The following SCYL2 variants were observed in gnomAD, a reference collection of about 807,000 sequenced individuals.
SCYL2 encodes the protein SCY1 like pseudokinase 2.
Under a neutral mutation model 100.4 loss-of-function variants are expected in SCYL2, and 36 were observed. That is an observed-to-expected ratio of 0.36 (90% CI 0.27 to 0.47). The LOEUF (loss-of-function observed/expected upper bound fraction) is 0.47. SCYL2 is among the 20% of genes least tolerant of loss of function. SCYL2 has a pLI of 1.00. For synonymous variants in SCYL2, 330 were observed against 359.2 expected, an observed-to-expected ratio of 0.92 and a Z score of 0.92; for missense variants, 902 against 1,083.9, an observed-to-expected ratio of 0.83 and a Z score of 2.36.
intron 16 of SCYL2, among the ~76,000 whole-genome samples, chr12:100,336,427 A>G (rs1462106610): frequency 6.6e-6 from 1 of 152,038 alleles, no homozygotes; most frequent in Admixed American, 6.6e-5. Context: ...TCAGATTTTC[A>G]CTTTGACACT....
chr12:100,273,167 A>G (rs1252053366), intron 1 of SCYL2, among the ~76,000 whole-genome samples: 1 of 151,844 alleles, frequency 6.6e-6, no homozygotes, highest in Non-Finnish European at 1.5e-5. Context: ...CTTACTACTC[A>G]ATGTCCTTGG....
chr12:100,299,265 T>A (rs752151249), intron 4 of SCYL2, among the ~76,000 whole-genome samples: 1 of 151,998 alleles, frequency 6.6e-6, no homozygotes, highest in Admixed American at 6.6e-5. Flanking sequence ...AAAAATAATA[T>A]CTTCAGTGCC....
chr12:100,322,024 G>A (rs2096356293), intron 10 of SCYL2, among the ~76,000 whole-genome samples: 1 of 148,474 alleles, frequency 6.7e-6, no homozygotes, highest in Non-Finnish European at 1.5e-5. Context: ...CTCCACCCTG[G>A]GTGACAGAGC....
rs565827653 is a variant in SCYL2 at position 100,340,748 on chromosome 12, C to G, written c.*1576C>G. Reference sequence around the variant, plus strand: ...TTCTGTATGGGCTGTACTTGGTTAACTTGATTTTAGAAAAAGGACTAACAG... The same window carrying G: ...TTCTGTATGGGCTGTACTTGGTTAAGTTGATTTTAGAAAAAGGACTAACAG... On this transcript the variant is annotated 3_prime_UTR_variant, in exon 18 of 18. Transcript: ENST00000360820. 3 of 152,094 alleles carry G rather than the reference C, an allele frequency of 2.0e-5. No individual in the cohort carries two copies. The South Asian group carries it at 6.2e-4, about 32-fold the overall frequency. The allele number at this position is 152,094 out of a possible 1,614,324, so 9.4% of individuals were successfully genotyped here.
chr12:100,281,519 T>C (rs1287836304), intron 1 of SCYL2, among the ~76,000 whole-genome samples: 2 of 152,050 alleles, frequency 1.3e-5, no homozygotes, highest in Admixed American at 6.6e-5. Context: ...AGCAGTACCC[T>C]GTCTCTACAG....
At chr12:100,293,373 A>G (rs2135855117) in intron 3 of SCYL2, among the ~76,000 whole-genome samples, 1 of 152,284 alleles carries the variant, frequency 6.6e-6, no homozygotes, top group African/African-American at 2.4e-5. Flanking sequence ...TGTATCCCAA[A>G]GTAGACTGGT....
chr12:100,274,564 G>GT (rs2096290764), intron 1 of SCYL2, among the ~76,000 whole-genome samples: 1 of 152,116 alleles, frequency 6.6e-6, no homozygotes, highest in South Asian at 2.1e-4. Flanking sequence ...AAACTTCCTT[G>GT]TGCTTTACTC....
Position 100,339,454 on chromosome 12 carries a change from G to A in SCYL2, c.*282G>A, listed in dbSNP as rs1447082194. The A allele has an allele frequency of 8.2e-6, 3 of 367,370 alleles. No individual in the cohort carries two copies. Among genetic ancestry groups the A allele is most frequent in the East Asian group, 1.0e-4 (2 of 19,118 alleles). The allele number at this position is 367,370 out of a possible 1,614,324, so 22.8% of individuals were successfully genotyped here. Reference sequence around the variant, plus strand: ...GAGAAAAAGGAAACTGAGTTATCTTGAATAACATAACTTTTTAATCAAATG... The same window carrying A: ...GAGAAAAAGGAAACTGAGTTATCTTAAATAACATAACTTTTTAATCAAATG... On this transcript the variant is annotated 3_prime_UTR_variant, in exon 18 of 18. Coordinates refer to ENST00000360820, the MANE Select transcript of SCYL2 (RefSeq NM_017988.6).
chr12:100,289,377 T>A (rs1211290363), intron 2 of SCYL2, among the ~76,000 whole-genome samples: 2 of 152,186 alleles, frequency 1.3e-5, no homozygotes, highest in African/African-American at 4.8e-5. Flanking sequence ...GAAACTTGAC[T>A]TTTTTTATCT....
chr12:100,330,557 A>G (rs1952196486), intron 13 of SCYL2, among the ~76,000 whole-genome samples: 3 of 152,184 alleles, frequency 2.0e-5, no homozygotes, highest in South Asian at 4.1e-4. Context: ...CAGAACTAGT[A>G]TTTAATGAAA....
Position 100,267,220 on chromosome 12 carries a change from CTCCCCACCCCTT to C in SCYL2, c.-597_-586del. On this transcript the variant is annotated 5_prime_UTR_variant, in exon 1 of 18. Coordinates refer to ENST00000360820, the MANE Select transcript of SCYL2 (RefSeq NM_017988.6). ...TTACTCTTCGTCCCCGGTCCCTCCC[CTCCCCACCCCTT>C]TCCTTCTAGCTCCGACGTTTGCGGC... 1.2e-6 allele frequency: 1 copy of C among 839,434 alleles called. No homozygotes were observed. The highest frequency in any genetic ancestry group is 1.8e-6 in the Non-Finnish European group (1 of 556,612). 52.0% of individuals were successfully genotyped at this position (839,434 alleles called of 1,614,324 possible). A position where few individuals can be genotyped will look rare whatever the true frequency, so the allele number is the denominator to read the frequency against.
chr12:100,300,962 T>C (rs2096326854), intron 4 of SCYL2, among the ~76,000 whole-genome samples: 1 of 152,174 alleles, frequency 6.6e-6, no homozygotes, highest in Admixed American at 6.5e-5. Context: ...AACATGGGAG[T>C]GCAGATATCT....
At chr12:100,315,947 A>G (rs1030846776) in intron 9 of SCYL2, among the ~76,000 whole-genome samples, 1 of 152,242 alleles carries the variant, frequency 6.6e-6, no homozygotes, top group Non-Finnish European at 1.5e-5. Context: ...GTAGCTCTCC[A>G]TAAGTTACTA....
At chr12:100,270,425 T>C (rs2096286379) in intron 1 of SCYL2, among the ~76,000 whole-genome samples, 1 of 152,118 alleles carries the variant, frequency 6.6e-6, no homozygotes, top group East Asian at 1.9e-4. Flanking sequence ...GTCACCCCTC[T>C]GCTACTGCTT....
intron 4 of SCYL2, 32 bp downstream of exon 4, chr12:100,298,207 G>C (rs1448343478): frequency 1.4e-6 from 2 of 1,445,704 alleles, no homozygotes; most frequent in East Asian, 2.5e-5. Flanking sequence ...GTAAAAAAGA[G>C]TTGTTTCCTT....
intron 7 of SCYL2, 77 bp downstream of exon 7, chr12:100,313,615 A>G (rs2096344897): frequency 1.3e-6 from 1 of 774,130 alleles, no homozygotes; most frequent in African/African-American, 1.8e-5. Flanking sequence ...TGGGTTTTAA[A>G]AAAATATTTT....
At chr12:100,333,623 T>A (rs1471801019) in intron 13 of SCYL2, 2 of 152,476 alleles carry the variant, frequency 1.3e-5, no homozygotes, top group Non-Finnish European at 2.9e-5. Context: ...GCTTAAACTA[T>A]GTTAAGACAT....
rs11354103 is a variant in SCYL2, at chr12:100,271,260, C to CAAA, written c.-29+3488_-29+3490dup. Among the ~76,000 whole-genome samples, 674 of 83,174 alleles carry CAAA rather than the reference C, an allele frequency of 8.1e-3. 15 individuals carry two copies. The highest frequency in any genetic ancestry group is 0.03 in the African/African-American group (580 of 19,022). 54.6% of individuals were successfully genotyped at this position (83,174 alleles called of 152,430 possible). A position where few individuals can be genotyped will look rare whatever the true frequency, so the allele number is the denominator to read the frequency against. On this transcript the variant is annotated intron_variant, in intron 1 of 17. Coordinates refer to ENST00000360820, the MANE Select transcript of SCYL2 (RefSeq NM_017988.6). The stretch of plus-strand genomic sequence containing the variant: ...GTTAGCCCTGCTCCTTGCAGAGCAG[C>CAAA]AAAAAAAAAAAAAAAAAAAAAAGAG...
intron 14 of SCYL2, among the ~76,000 whole-genome samples, chr12:100,334,977 A>T (rs1190433260): frequency 6.6e-6 from 1 of 152,046 alleles, no homozygotes. Context: ...GCTTCTGCCC[A>T]CAAGATGAAG....
Sources: gnomAD v4.1 joint callset for allele counts (sites outside exome capture counted in the v4.1 genomes callset) on GRCh38, gnomAD v4.1.1 for gene constraint, MANE v1.5 for transcripts, NCBI Gene and HGNC (gene_info 2026-07-23, HGNC 2026-07-21) for gene names.